The following FOXP1 variants were observed in gnomAD, a reference collection of about 807,000 sequenced individuals.
FOXP1 encodes the protein forkhead box protein P1.
FOXP1 carries 15 observed loss-of-function variants against 98.2 expected under a neutral mutation model. The ratio of observed to expected loss-of-function variants is 0.15; its 90% CI spans 0.10 to 0.24. The LOEUF is 0.24. Among genes scored for constraint, FOXP1 ranks in the 10% least tolerant of loss-of-function variants. The probability of loss-of-function intolerance (pLI) is 1.00; values close to 1 mark genes in which losing one functional copy is unlikely to be tolerated. For missense variants in FOXP1, 633 were observed against 848.5 expected, an observed-to-expected ratio of 0.75 and a Z score of 3.15; for synonymous variants, 371 against 314.5, an observed-to-expected ratio of 1.18 and a Z score of -1.90.
At chr3:71,085,418 T>G (rs1340089324) in intron 7 of FOXP1, among the ~76,000 whole-genome samples, 1 of 151,640 alleles carries the variant, frequency 6.6e-6, no homozygotes, top group Admixed American at 6.6e-5. Flanking sequence ...CCAAAGTGCC[T>G]CACATCACAG....
At chr3:71,445,658 G>C (rs1174055736) in intron 3 of FOXP1, among the ~76,000 whole-genome samples, 2 of 151,080 alleles carry the variant, frequency 1.3e-5, no homozygotes, top group Admixed American at 6.6e-5. Context: ...ATTAATAATA[G>C]ATATAAATAT....
intron 12 of FOXP1, among the ~76,000 whole-genome samples, chr3:71,006,605 G>T (rs1414656748): frequency 6.6e-6 from 1 of 152,118 alleles, no homozygotes; most frequent in African/African-American, 2.4e-5. Context: ...TAATATGGTA[G>T]ACAGTGTCAA....
At chr3:71,429,921 C>T (rs542118637) in intron 3 of FOXP1, among the ~76,000 whole-genome samples, 13 of 152,344 alleles carry the variant, frequency 8.5e-5, no homozygotes, top group African/African-American at 3.1e-4. Flanking sequence ...ATTCCTCAAA[C>T]ATATTTGCAT....
At chr3:71,460,522 C>T (rs981143696) in intron 3 of FOXP1, among the ~76,000 whole-genome samples, 1 of 151,694 alleles carries the variant, frequency 6.6e-6, no homozygotes, top group African/African-American at 2.4e-5. Flanking sequence ...CTGCAATCTC[C>T]GCCTCCCGAG....
intron 3 of FOXP1, among the ~76,000 whole-genome samples, chr3:71,464,122 T>G (rs932331665): frequency 6.6e-5 from 10 of 151,986 alleles, no homozygotes. Flanking sequence ...TACAAGAAAT[T>G]TAAAAATTAG....
intron 2 of FOXP1, among the ~76,000 whole-genome samples, chr3:71,552,769 G>T (rs2045869764): frequency 1.3e-5 from 2 of 151,962 alleles, no homozygotes; most frequent in African/African-American, 4.8e-5. Flanking sequence ...TTAAATGCCA[G>T]GTGCTTTGTA....
chr3:71,298,221 C>T (rs999054617), intron 5 of FOXP1, among the ~76,000 whole-genome samples: 1 of 152,122 alleles, frequency 6.6e-6, no homozygotes, highest in Non-Finnish European at 1.5e-5. Flanking sequence ...AATCCCAACA[C>T]TTTGGGAGGC....
chr3:71,352,404 G>A lies in FOXP1; in HGVS notation c.-73+6746C>T, dbSNP rs184572286. On this transcript the variant is annotated intron_variant, in intron 4 of 20. Transcript: ENST00000649528. Reference sequence around the variant, plus strand: ...CGCTGGAACCAGGGAGGTGGAGGTTGCAGTGAGCCGAGACTGCACCACTGC... The same window carrying A: ...CGCTGGAACCAGGGAGGTGGAGGTTACAGTGAGCCGAGACTGCACCACTGC... 5.8e-3 allele frequency among the ~76,000 whole-genome samples: 820 copies of A among 141,820 alleles called. 6 individuals are homozygous for A. Among genetic ancestry groups the A allele is most frequent in the South Asian group, 0.018 (77 of 4,320 alleles). The allele number at this position is 141,820 out of a possible 152,430, so 93.0% of individuals were successfully genotyped here.
chr3:71,044,026 T>A (rs2048697776), intron 10 of FOXP1, among the ~76,000 whole-genome samples: 1 of 152,200 alleles, frequency 6.6e-6, no homozygotes, highest in African/African-American at 2.4e-5. Context: ...AACATTCTCA[T>A]CACACTTAAC....
intron 6 of FOXP1, among the ~76,000 whole-genome samples, chr3:71,193,875 ACCCGATGGGTC>A (rs2063149386): frequency 6.6e-6 from 1 of 152,060 alleles, no homozygotes; most frequent in Admixed American, 6.6e-5. Context: ...GAAAAATTCA[ACCCGATGGGTC>A]CTCTTTACTC....
At chr3:71,335,917 C>G (rs112789318) in intron 4 of FOXP1, among the ~76,000 whole-genome samples, 18 of 145,296 alleles carry the variant, frequency 1.2e-4, no homozygotes, top group African/African-American at 4.3e-4. Flanking sequence ...AGGTAGGAGA[C>G]TCAGGCGGGG....
chr3:71,091,971 T>A (rs1220919210), intron 7 of FOXP1, among the ~76,000 whole-genome samples: 2 of 151,992 alleles, frequency 1.3e-5, no homozygotes, highest in Non-Finnish European at 2.9e-5. Context: ...GCAGATCACT[T>A]GAGGTCAGGA....
chr3:71,375,001 T>A (rs1184051950), intron 3 of FOXP1, among the ~76,000 whole-genome samples: 1 of 152,210 alleles, frequency 6.6e-6, no homozygotes, highest in Non-Finnish European at 1.5e-5. Flanking sequence ...ACTCTAGATG[T>A]TTAGATTTTC....
At chr3:71,331,010 C>T (rs965622142) in intron 4 of FOXP1, among the ~76,000 whole-genome samples, 3 of 152,384 alleles carry the variant, frequency 2.0e-5, no homozygotes, top group Admixed American at 6.5e-5. Context: ...GGTGCCTCCT[C>T]GGCCTTGGTG....
intron 6 of FOXP1, among the ~76,000 whole-genome samples, chr3:71,174,023 T>C (rs1477490036): frequency 2.0e-5 from 3 of 152,226 alleles, no homozygotes; most frequent in Non-Finnish European, 4.4e-5. Flanking sequence ...ATGCATGGTC[T>C]AGGAAGGGTT....
chr3:71,115,978 T>A (rs1248325198), intron 6 of FOXP1, among the ~76,000 whole-genome samples: 1 of 152,094 alleles, frequency 6.6e-6, no homozygotes, highest in Non-Finnish European at 1.5e-5. Context: ...CTCAGTGATC[T>A]GCCCGCCTCA....
At chr3:71,167,877 C>T (rs1038264844) in intron 6 of FOXP1, among the ~76,000 whole-genome samples, 3 of 152,140 alleles carry the variant, frequency 2.0e-5, no homozygotes, top group Non-Finnish European at 2.9e-5. Flanking sequence ...AAATTACTTA[C>T]TTGTAGAGCT....
chr3:71,091,565 A>C (rs564221732), intron 7 of FOXP1, among the ~76,000 whole-genome samples: 2 of 152,170 alleles, frequency 1.3e-5, no homozygotes, highest in Non-Finnish European at 2.9e-5. Flanking sequence ...AAGGTCCCAG[A>C]GATGGTAAAT....
Position 71,190,281 on chromosome 3 carries a change from C to G in FOXP1, c.180+7921G>C, listed in dbSNP as rs1436838848. 2.0e-5 allele frequency among the ~76,000 whole-genome samples: 3 copies of G among 152,016 alleles called. No individual in the cohort carries two copies. The South Asian group carries it at 6.2e-4, about 32-fold the overall frequency. On this transcript the variant is annotated intron_variant, in intron 6 of 20. Coordinates refer to ENST00000649528, the MANE Select transcript of FOXP1 (RefSeq NM_001349338.3). Reference sequence around the variant, plus strand: ...CCTAACATATCAGTTCCCCCTCCACCCCCATTTTCTTCCACATACGGAGGC... The same window carrying G: ...CCTAACATATCAGTTCCCCCTCCACGCCCATTTTCTTCCACATACGGAGGC...
Sources: allele counts gnomAD v4.1 joint callset (sites outside exome capture counted in the v4.1 genomes callset), GRCh38; gene constraint gnomAD v4.1.1; transcripts MANE v1.5; gene names NCBI Gene and HGNC (gene_info 2026-07-23, HGNC 2026-07-21).